Variants in MLPH observed in about 807,000 individuals in gnomAD.
MLPH encodes exophilin-3.
MLPH carries 51 observed loss-of-function variants against 72.1 expected under a neutral mutation model. The ratio of observed to expected loss-of-function variants is 0.71; its 90% CI spans 0.56 to 0.89. MLPH has a LOEUF of 0.89. MLPH is among the 40% of genes least tolerant of loss of function. MLPH has a pLI of 0.00. For synonymous variants in MLPH, 301 were observed against 310.1 expected, an observed-to-expected ratio of 0.97 and a Z score of 0.31; for missense variants, 743 against 759.9, an observed-to-expected ratio of 0.98 and a Z score of 0.26.
chr2:237,487,623 C>T (rs368458684), intron 1 of MLPH, among the ~76,000 whole-genome samples, 186 bp downstream of exon 1: 14 of 152,264 alleles, frequency 9.2e-5, no homozygotes, highest in African/African-American at 3.4e-4. Context: ...GCCTTAGTCC[C>T]CCAGGCTTCA....
chr2:237,530,559 T>A (rs1332416300), intron 8 of MLPH, among the ~76,000 whole-genome samples: 4 of 152,182 alleles, frequency 2.6e-5, no homozygotes. Context: ...ATCTGGAAGC[T>A]TCCTCAACCC....
chr2:237,545,739 C>G, intron 12 of MLPH: 1 of 1,024,230 alleles, frequency 9.8e-7, no homozygotes, highest in Non-Finnish European at 1.3e-6. Flanking sequence ...GAAAGATGAC[C>G]TTAGGAGAGT....
At chr2:237,543,489 C>G (rs564756309) in intron 12 of MLPH, among the ~76,000 whole-genome samples, 1 of 4,764 alleles carries the variant, frequency 2.1e-4, no homozygotes, top group African/African-American at 3.3e-3. Flanking sequence ...ACGGTAGTGA[C>G]TGGGGCGACA....
intron 8 of MLPH, among the ~76,000 whole-genome samples, chr2:237,533,898 C>G (rs1293132722): frequency 6.6e-6 from 1 of 152,228 alleles, no homozygotes; most frequent in African/African-American, 2.4e-5. Context: ...CCAAACAATA[C>G]AAAAGCATCT....
chr2:237,535,695 C>T (rs1005368320), intron 9 of MLPH, among the ~76,000 whole-genome samples: 5 of 152,204 alleles, frequency 3.3e-5, no homozygotes, highest in African/African-American at 9.6e-5. Context: ...CTGGGCCACA[C>T]AGACTCCATA....
chr2:237,550,522 G>A (rs910898901), intron 14 of MLPH, among the ~76,000 whole-genome samples: 32 of 152,096 alleles, frequency 2.1e-4, no homozygotes, highest in African/African-American at 7.7e-4. Flanking sequence ...TGCACATCTC[G>A]TGGGCTGAAA....
At chr2:237,542,361 AC>A (rs1037888573) in intron 11 of MLPH, among the ~76,000 whole-genome samples, 36 of 150,674 alleles carry the variant, frequency 2.4e-4, no homozygotes, top group Non-Finnish European at 3.5e-4. Flanking sequence ...CATAAGGAAC[AC>A]CCCCCCCTTC....
chr2:237,529,124 G>C (rs2080366883), intron 8 of MLPH, among the ~76,000 whole-genome samples: 1 of 152,004 alleles, frequency 6.6e-6, no homozygotes, highest in Non-Finnish European at 1.5e-5. Flanking sequence ...CTCACTGCAA[G>C]CTCCGCCTCC....
intron 2 of MLPH, among the ~76,000 whole-genome samples, chr2:237,503,828 C>A (rs1429581490): frequency 6.6e-6 from 1 of 152,068 alleles, no homozygotes; most frequent in East Asian, 1.9e-4. Context: ...GAATAATCCC[C>A]CCCAAAAAGA....
chr2:237,497,687 CG>C (rs1178945281), intron 2 of MLPH, among the ~76,000 whole-genome samples: 1 of 147,480 alleles, frequency 6.8e-6, no homozygotes, highest in Non-Finnish European at 1.5e-5. Context: ...CATGATGAAA[CG>C]GAAGATAACT....
intron 2 of MLPH, among the ~76,000 whole-genome samples, chr2:237,506,365 A>G (rs146771304): frequency 1.3e-5 from 2 of 152,340 alleles, no homozygotes; most frequent in African/African-American, 4.8e-5. Context: ...ATGTCTGTGT[A>G]GCAGGACAAG....
chr2:237,518,421 G>A lies in MLPH; in HGVS notation c.446-118G>A, dbSNP rs573531784. ...TGGATAGGTGGGTGAATGGATGAAG[G>A]AGGGAGGGATGGGCAGGTAGATGGA... On this transcript the variant is annotated intron_variant, in intron 4 of 15. Coordinates refer to ENST00000264605, the MANE Select transcript of MLPH (RefSeq NM_024101.7). The A allele has an allele frequency of 2.9e-5, 23 of 801,862 alleles. No homozygotes were observed. In the African/African-American group the frequency reaches 3.8e-4, roughly 13 times the overall value. The allele number at this position is 801,862 out of a possible 1,614,324, so 49.7% of individuals were successfully genotyped here. A position where few individuals can be genotyped will look rare whatever the true frequency, so the allele number is the denominator to read the frequency against.
intron 12 of MLPH, among the ~76,000 whole-genome samples, chr2:237,545,952 C>T (rs2080909783): frequency 6.6e-6 from 1 of 152,162 alleles, no homozygotes; most frequent in African/African-American, 2.4e-5. Context: ...GTTAAGGACA[C>T]ACCCATGACA....
intron 8 of MLPH, among the ~76,000 whole-genome samples, chr2:237,528,488 A>G (rs1180058233): frequency 6.6e-6 from 1 of 151,686 alleles, no homozygotes. Flanking sequence ...GTAGCTGGGA[A>G]TACAGGCGTG....
rs867933531 is a variant in MLPH, at chr2:237,505,706, C to T, written c.111-4868C>T. Among the ~76,000 whole-genome samples the T allele has an allele frequency of 2.0e-5, 3 of 152,314 alleles. No individual in the cohort carries two copies. Among genetic ancestry groups the T allele is most frequent in the Non-Finnish European group, 2.9e-5 (2 of 68,028 alleles). ...TCCTGTCCAGACCCCATCATAGGAG[C>T]GGCCTTTCCTTCCTGTTCCCGTCCT... On this transcript the variant is annotated intron_variant, in intron 2 of 15. Transcript: ENST00000264605. The surrounding 1 kb of genome is among the most constrained non-coding windows in gnomAD (Gnocchi z 4.5).
At chr2:237,550,169 A>G (rs2081003048) in intron 14 of MLPH, among the ~76,000 whole-genome samples, 1 of 152,044 alleles carries the variant, frequency 6.6e-6, no homozygotes, top group Non-Finnish European at 1.5e-5. Context: ...CTCCCTGCCC[A>G]TCTCTGTCCT....
At position 237,519,921 on chromosome 2, in the gene MLPH, C is replaced by G. The variant is rs1232012427; in HGVS notation, c.567C>G (p.Leu189=). ...AQPFGSKKKR[L]LSVHDFDFEG... ...TTGTGCCTGCTAAGAAAAAGCGCCT[C>G]CTCTCCGTCCACGACTTCGACTTCG... Residue 189 remains leucine, a synonymous_variant, in exon 6 of 16, where the codon CTC becomes CTG. Transcript: ENST00000264605. 1 of 1,614,028 alleles carries G rather than the reference C, an allele frequency of 6.2e-7. No homozygotes were observed. The highest frequency in any genetic ancestry group is 2.2e-5 in the East Asian group (1 of 44,874).
At chr2:237,525,223 C>T (rs1260822510) in intron 6 of MLPH, among the ~76,000 whole-genome samples, 3 of 152,152 alleles carry the variant, frequency 2.0e-5, no homozygotes, top group African/African-American at 4.8e-5. Flanking sequence ...ACAGTGCACC[C>T]TTCTCCCAAA....
At chr2:237,545,690 A>G in intron 12 of MLPH, 1 of 1,215,742 alleles carries the variant, frequency 8.2e-7, no homozygotes, top group Non-Finnish European at 1.0e-6. Context: ...AGGAATCTTC[A>G]GACAAAACCA....
Sources: allele counts gnomAD v4.1 joint callset (sites outside exome capture counted in the v4.1 genomes callset), GRCh38; gene constraint gnomAD v4.1.1; non-coding constraint Gnocchi (gnomAD v3.1); transcripts MANE v1.5; gene names NCBI Gene and HGNC (gene_info 2026-07-23, HGNC 2026-07-21).